The following TADA2B variants were observed in gnomAD, a reference collection of about 807,000 sequenced individuals.
The protein encoded by TADA2B is transcriptional adaptor 2B.
TADA2B carries 13 observed loss-of-function variants against 34.5 expected under a neutral mutation model. That is an observed-to-expected ratio of 0.38 (90% CI 0.25 to 0.60). TADA2B has a LOEUF of 0.60. Ranked by LOEUF, TADA2B falls within the 20% of genes least tolerant of loss-of-function variation. The pLI is 0.65. For synonymous variants in TADA2B, 240 were observed against 243.4 expected (o/e 0.99, Z 0.13); for missense variants, 442 against 575.0 (o/e 0.77, Z 2.37).
chr4:7,050,868 T>C (rs1022442330), intron 1 of TADA2B, among the ~76,000 whole-genome samples: 5 of 152,070 alleles, frequency 3.3e-5, no homozygotes, highest in Non-Finnish European at 7.4e-5. Flanking sequence ...CGTGGGATGG[T>C]GGGGGGCGCG....
chr4:7,054,462 G>C lies in TADA2B; in HGVS notation c.671G>C (p.Arg224Pro). The change falls in exon 2 of 2, where the codon CGT (arginine) becomes CCT (proline). Residue 224 changes from arginine (R) to proline (P), a missense_variant. Arg to Pro is a moderately radical substitution (Grantham distance 103). Transcript: ENST00000310074. ...KERQRRKNIA[R>P]DYNLVPAFLG... ...AGACAGCGGCGGAAGAACATCGCCCGTGACTACAATCTGGTGCCAGCCTTC... is the reference window on the plus strand; with the variant it reads ...AGACAGCGGCGGAAGAACATCGCCCCTGACTACAATCTGGTGCCAGCCTTC... The C allele has an allele frequency of 6.2e-7, 1 of 1,613,702 alleles. No individual in the cohort carries two copies. Among genetic ancestry groups the C allele is most frequent in the Non-Finnish European group, 8.5e-7 (1 of 1,179,894 alleles).
chr4:7,054,639 T>C lies in TADA2B; in HGVS notation c.848T>C (p.Met283Thr), dbSNP rs367868603. The C allele has an allele frequency of 1.4e-5, 23 of 1,613,150 alleles. No homozygotes were observed. The African/African-American group carries it at 2.1e-4, about 15-fold the overall frequency. The change falls in exon 2 of 2, where the codon ATG (methionine) becomes ACG (threonine). Residue 283 changes from methionine to threonine, a missense_variant. Met to Thr is a moderately conservative substitution (Grantham distance 81). Transcript: ENST00000310074. ...DLFENMHKEK[M>T]LRAKIRELQR... ...TTTGAAAACATGCACAAAGAAAAAA[T>C]GCTCCGGGCCAAGATCCGAGAACTG... is the stretch of plus-strand genomic sequence containing the variant.
In TADA2B at chr4:7,054,370, T is replaced by C. The variant is rs1335520810; in HGVS notation, c.579T>C (p.Asp193=). The C allele has an allele frequency of 3.1e-6, 5 of 1,613,488 alleles. No individual in the cohort carries two copies. In the Admixed American group the frequency reaches 5.0e-5, roughly 16 times the overall value. Residue 193 remains aspartate, a synonymous_variant, in exon 2 of 2, where the codon GAT becomes GAC. Transcript: ENST00000310074. ...TCAGCGGGCTCTCTGTCAACTATGATGACGACGACGTGGAGATCGAGCTGA... is the reference window on the plus strand; with the variant it reads ...TCAGCGGGCTCTCTGTCAACTATGACGACGACGACGTGGAGATCGAGCTGA... The part of the protein sequence containing the change: ...TLISGLSVNY[D]DDDVEIELKR...
intron 1 of TADA2B, 56 bp from the exon 2 acceptor site, chr4:7,054,006 G>C: frequency 6.7e-7 from 1 of 1,498,620 alleles, no homozygotes; most frequent in African/African-American, 1.4e-5. Flanking sequence ...AATCTGTGCG[G>C]AACCCAAATC....
intron 1 of TADA2B, among the ~76,000 whole-genome samples, chr4:7,050,216 G>C (rs1723728297): frequency 6.6e-6 from 1 of 152,362 alleles, no homozygotes; most frequent in South Asian, 2.1e-4. Flanking sequence ...TTCTTACCTT[G>C]CTCTGCCCCT....
chr4:7,049,719 C>A (rs550374248), intron 1 of TADA2B, among the ~76,000 whole-genome samples: 1 of 152,354 alleles, frequency 6.6e-6, no homozygotes, highest in African/African-American at 2.4e-5. Flanking sequence ...GGGGAAGATA[C>A]AGGGGGTGAC....
At chr4:7,054,013 A>G in intron 1 of TADA2B, 49 bp from the exon 2 acceptor site, 3 of 1,506,850 alleles carry the variant, frequency 2.0e-6, no homozygotes, top group Non-Finnish European at 2.7e-6. Context: ...GCGGAACCCA[A>G]ATCTGGCACC....
At position 7,054,237 on chromosome 4, in the gene TADA2B, C is replaced by T. The variant is rs1268506376; in HGVS notation, c.446C>T (p.Thr149Ile). 4.4e-6 allele frequency: 7 copies of T among 1,608,166 alleles called. No individual in the cohort carries two copies. In the East Asian group the frequency reaches 1.3e-4, roughly 31 times the overall value. The change falls in exon 2 of 2, where the codon ACC becomes ATC. Residue 149 changes from threonine to isoleucine, a missense_variant. Thr to Ile is a moderately conservative substitution (Grantham distance 89). Around this residue, in one of 4 missense-constraint regions of TADA2B, gnomAD observed 222 missense variants for 235.2 expected, o/e 0.94. Transcript: ENST00000310074. ...SGGPLSPSLT[T>I]PLPPLDISVA... is the part of the protein sequence containing the mutation. Reference sequence around the variant, plus strand: ...GGCCCCCTCTCACCCAGCCTCACCACCCCGCTGCCCCCGCTGGACATCTCT... The same window carrying T: ...GGCCCCCTCTCACCCAGCCTCACCATCCCGCTGCCCCCGCTGGACATCTCT...
chr4:7,047,260 G>T (rs1288869746), intron 1 of TADA2B, among the ~76,000 whole-genome samples: 6 of 152,226 alleles, frequency 3.9e-5, no homozygotes, highest in Non-Finnish European at 8.8e-5. Context: ...GGCTGACACT[G>T]AGGAGCTTTA....
At chr4:7,045,349 T>G (rs951198356) in intron 1 of TADA2B, among the ~76,000 whole-genome samples, 4 of 152,232 alleles carry the variant, frequency 2.6e-5, no homozygotes, top group Admixed American at 2.6e-4. Flanking sequence ...TACGTTTACT[T>G]CTTGCCTTGA....
rs150808098 is a variant in TADA2B, at chr4:7,053,554, C to A, written c.271-508C>A. 350 of 154,016 alleles carry A rather than the reference C, an allele frequency of 2.3e-3. 3 individuals are homozygous for A. Among genetic ancestry groups the A allele is most frequent in the African/African-American group, 8.1e-3 (335 of 41,598 alleles). 9.5% of individuals were successfully genotyped at this position (154,016 alleles called of 1,614,324 possible). ...GTGGCAACATGGTAGAACTGGGTCCCCTCCTGCAGTGCCGTGGACTTGGCC... is the reference window on the plus strand; with the variant it reads ...GTGGCAACATGGTAGAACTGGGTCCACTCCTGCAGTGCCGTGGACTTGGCC... On this transcript the variant is annotated intron_variant, in intron 1 of 1. Transcript: ENST00000310074.
chr4:7,052,520 T>C (rs1024841518), intron 1 of TADA2B, among the ~76,000 whole-genome samples: 3 of 152,180 alleles, frequency 2.0e-5, no homozygotes, highest in African/African-American at 7.2e-5. Context: ...GCGCTCGCTG[T>C]GTGGGGCCCA....
At position 7,054,328 on chromosome 4, in the gene TADA2B, G is replaced by C; in HGVS notation, c.537G>C (p.Gln179His). ...ATGATTACGAGATCGAGTATGACCA[G>C]GATGCCGAGACGCTCATCAGCGGGC... ...LRDDYEIEYD[Q>H]DAETLISGLS... The change falls in exon 2 of 2, where the codon CAG becomes CAC. Residue 179 changes from glutamine (Q) to histidine (H), a missense_variant. This residue lies in a region of TADA2B where 222 missense variants were observed against 235.2 expected (regional missense o/e 0.94). Coordinates refer to ENST00000310074, the MANE Select transcript of TADA2B (RefSeq NM_152293.3). The C allele has an allele frequency of 6.2e-6, 10 of 1,613,458 alleles. No homozygotes were observed. Among genetic ancestry groups the C allele is most frequent in the African/African-American group, 1.3e-5 (1 of 75,050 alleles).
intron 1 of TADA2B, among the ~76,000 whole-genome samples, chr4:7,047,576 C>T (rs1383004930): frequency 1.5e-4 from 23 of 152,224 alleles, no homozygotes; most frequent in Non-Finnish European, 1.5e-4. Context: ...AGCACAGCCT[C>T]GGGGCCTGGT....
chr4:7,050,943 T>C (rs879686876), intron 1 of TADA2B, among the ~76,000 whole-genome samples: 11 of 152,234 alleles, frequency 7.2e-5, no homozygotes, highest in Non-Finnish European at 1.6e-4. Context: ...TTCACTGGTC[T>C]TGTGCCCTTG....
Position 7,055,066 on chromosome 4 carries a change from T to A in TADA2B, c.*12T>A. The A allele has an allele frequency of 6.3e-7, 1 of 1,596,614 alleles. No individual in the cohort carries two copies. ...GGGACGCGTCTTGAAGCTGAGACGC[T>A]TTGAAAGCCAGGGTGATGCTCAGAC... On this transcript the variant is annotated 3_prime_UTR_variant, in exon 2 of 2. Coordinates refer to ENST00000310074, the MANE Select transcript of TADA2B (RefSeq NM_152293.3).
intron 1 of TADA2B, chr4:7,046,248 T>G (rs1259658751): frequency 6.6e-6 from 1 of 152,198 alleles, no homozygotes; most frequent in Non-Finnish European, 1.5e-5. Context: ...CGGGACTTTA[T>G]TTTTCTTCCT....
At chr4:7,048,126 C>T (rs906796658) in intron 1 of TADA2B, among the ~76,000 whole-genome samples, 4 of 152,346 alleles carry the variant, frequency 2.6e-5, no homozygotes, top group African/African-American at 9.6e-5. Flanking sequence ...TGGATTGTCA[C>T]CTCTGAGGCC....
rs1723839283 is a variant in TADA2B at position 7,054,362 on chromosome 4, A to G, written c.571A>G (p.Asn191Asp). ...AETLISGLSVNYDDDDVEIEL... is the reference protein window; with the variant it reads ...AETLISGLSVDYDDDDVEIEL... Reference sequence around the variant, plus strand: ...GACGCTCATCAGCGGGCTCTCTGTCAACTATGATGACGACGACGTGGAGAT... The same window carrying G: ...GACGCTCATCAGCGGGCTCTCTGTCGACTATGATGACGACGACGTGGAGAT... The change falls in exon 2 of 2, where the codon AAC becomes GAC. Residue 191 changes from asparagine to aspartate, a missense_variant. This residue lies in a region of TADA2B where 222 missense variants were observed against 235.2 expected (regional missense o/e 0.94). Coordinates refer to ENST00000310074, the MANE Select transcript of TADA2B (RefSeq NM_152293.3). 1 of 1,613,578 alleles carries G rather than the reference A, an allele frequency of 6.2e-7. No homozygotes were observed.
Sources: allele counts gnomAD v4.1 joint callset (sites outside exome capture counted in the v4.1 genomes callset), GRCh38; gene constraint gnomAD v4.1.1; regional missense constraint gnomAD v4.1.1; transcripts MANE v1.5; gene names NCBI Gene and HGNC (gene_info 2026-07-23, HGNC 2026-07-21).